The following DPP6 variants were observed in gnomAD, a reference collection of about 807,000 sequenced individuals.
DPP6 encodes A-type potassium channel modulatory protein DPP6.
In DPP6, 69 loss-of-function variants were observed where a neutral mutation model predicts 122.6. The ratio of observed to expected loss-of-function variants is 0.56; its 90% CI spans 0.46 to 0.69. DPP6 has a LOEUF of 0.69. DPP6 is among the 30% of genes least tolerant of loss of function. The pLI is 0.00. For synonymous variants in DPP6, 418 were observed against 433.1 expected (o/e 0.97, Z 0.43); for missense variants, 928 against 1,116.9 (o/e 0.83, Z 2.41).
intron 5 of DPP6, among the ~76,000 whole-genome samples, chr7:154,620,132 A>G (rs1047052611): frequency 6.6e-6 from 1 of 152,174 alleles, no homozygotes; most frequent in Non-Finnish European, 1.5e-5. Flanking sequence ...CCTCTAGAGG[A>G]CTTGCATTGC....
At chr7:153,752,909 A>G in the DPP6 span, among the ~76,000 whole-genome samples, 2 of 151,782 alleles carry the variant, frequency 1.3e-5, no homozygotes, top group African/African-American at 4.8e-5. Context: ...AAAGGGGAAT[A>G]TAATGTATGC....
intron 1 of DPP6, among the ~76,000 whole-genome samples, chr7:154,421,090 T>C (rs1022530999): frequency 2.0e-5 from 3 of 152,154 alleles, no homozygotes; most frequent in African/African-American, 7.2e-5. Flanking sequence ...AATTACTAAG[T>C]GTGTGACTTT....
At chr7:153,997,473 A>G (rs1585151904) in intron 1 of DPP6, among the ~76,000 whole-genome samples, 1 of 151,948 alleles carries the variant, frequency 6.6e-6, no homozygotes, top group East Asian at 1.9e-4. Flanking sequence ...CCCATGTTTT[A>G]TTGAGCACCT....
chr7:154,124,884 T>C (rs1361362279), intron 1 of DPP6, among the ~76,000 whole-genome samples: 1 of 152,068 alleles, frequency 6.6e-6, no homozygotes, highest in Non-Finnish European at 1.5e-5. Flanking sequence ...GTGGGAGTAG[T>C]TAGCACACAG....
At chr7:154,062,898 C>T (rs1329719719) in intron 1 of DPP6, among the ~76,000 whole-genome samples, 1 of 132,364 alleles carries the variant, frequency 7.6e-6, no homozygotes, top group Non-Finnish European at 1.6e-5. Context: ...ATCCTAAGAT[C>T]CTTAGGACCC....
intron 1 of DPP6, among the ~76,000 whole-genome samples, chr7:154,330,829 A>G (rs1808863638): frequency 1.3e-5 from 2 of 152,012 alleles, no homozygotes; most frequent in South Asian, 4.1e-4. Context: ...AAATGCATCT[A>G]CCTTTCTGGA....
At chr7:154,698,757 G>A (rs971689505) in intron 7 of DPP6, among the ~76,000 whole-genome samples, 1 of 152,148 alleles carries the variant, frequency 6.6e-6, no homozygotes, top group Admixed American at 6.6e-5. Flanking sequence ...AGCGGAAATC[G>A]GAAATCACCT....
intron 2 of DPP6, among the ~76,000 whole-genome samples, chr7:154,464,618 T>C (rs575676022): frequency 2.0e-5 from 3 of 152,376 alleles, no homozygotes; most frequent in African/African-American, 7.2e-5. Context: ...TATAATCCTG[T>C]GTAACTGAAC....
chr7:153,929,114 T>G (rs1295075426), intron 1 of DPP6, among the ~76,000 whole-genome samples: 1 of 152,074 alleles, frequency 6.6e-6, no homozygotes, highest in Non-Finnish European at 1.5e-5. Context: ...CAAGGTTTGA[T>G]GGGACTGCCC....
chr7:153,816,661 A>C, the DPP6 span, among the ~76,000 whole-genome samples: 1 of 152,150 alleles, frequency 6.6e-6, no homozygotes, highest in African/African-American at 2.4e-5. Context: ...GATTTTGACA[A>C]ATTTCTGCAA....
intron 3 of DPP6, among the ~76,000 whole-genome samples, chr7:154,517,381 G>A (rs570969884): frequency 6.6e-6 from 1 of 152,130 alleles, no homozygotes; most frequent in Non-Finnish European, 1.5e-5. Flanking sequence ...CACAGGGTGA[G>A]AGTTGAGCAC....
At chr7:153,827,959 G>A in the DPP6 span, among the ~76,000 whole-genome samples, 1 of 152,216 alleles carries the variant, frequency 6.6e-6, no homozygotes, top group Non-Finnish European at 1.5e-5. Flanking sequence ...GATGCTCGGA[G>A]ATAACGAGGC....
chr7:154,324,460 CCT>C (rs1231264236), intron 1 of DPP6, among the ~76,000 whole-genome samples: 1 of 152,178 alleles, frequency 6.6e-6, no homozygotes, highest in African/African-American at 2.4e-5. Flanking sequence ...GAACCCAAAA[CCT>C]AGCCTCAGCT....
intron 2 of DPP6, among the ~76,000 whole-genome samples, chr7:154,472,183 A>T (rs1822334474): frequency 6.6e-6 from 1 of 152,234 alleles, no homozygotes; most frequent in African/African-American, 2.4e-5. Context: ...AGCTGAAAAT[A>T]TTACTGACTG....
chr7:154,012,896 TG>T (rs1363889547), intron 1 of DPP6, among the ~76,000 whole-genome samples: 1 of 152,264 alleles, frequency 6.6e-6, no homozygotes, highest in Non-Finnish European at 1.5e-5. Flanking sequence ...TGTTTTCTTC[TG>T]GAGGCAGTTT....
At chr7:154,539,481 G>T (rs963406600) in intron 3 of DPP6, among the ~76,000 whole-genome samples, 1 of 152,098 alleles carries the variant, frequency 6.6e-6, no homozygotes, top group African/African-American at 2.4e-5. Context: ...AGGGCCTGTT[G>T]TACGGTGGGG....
intron 1 of DPP6, among the ~76,000 whole-genome samples, chr7:154,022,094 C>T (rs1303347339): frequency 2.6e-5 from 4 of 152,006 alleles, no homozygotes; most frequent in Non-Finnish European, 5.9e-5. Context: ...AACCAACATT[C>T]TTACCAAGTA....
the DPP6 span, among the ~76,000 whole-genome samples, chr7:153,842,975 C>T: frequency 6.6e-6 from 1 of 152,162 alleles, no homozygotes; most frequent in Non-Finnish European, 1.5e-5. Context: ...CCCACCTGCG[C>T]ATGTGTGCAT....
chr7:154,311,000 G>C (rs1806824158), intron 1 of DPP6, among the ~76,000 whole-genome samples: 1 of 152,192 alleles, frequency 6.6e-6, no homozygotes, highest in African/African-American at 2.4e-5. Flanking sequence ...ACCTGAGGAA[G>C]AGTATATAAT....
Sources: allele counts gnomAD v4.1 joint callset (sites outside exome capture counted in the v4.1 genomes callset), GRCh38; gene constraint gnomAD v4.1.1; transcripts MANE v1.5; gene names NCBI Gene and HGNC (gene_info 2026-07-23, HGNC 2026-07-21).